The following PRPSAP1 variants were observed in gnomAD, a reference collection of about 807,000 sequenced individuals.
PRPSAP1 encodes phosphoribosyl pyrophosphate synthase-associated protein 1.
A neutral mutation model predicts 39.4 loss-of-function variants in PRPSAP1; 31 were observed. That is an observed-to-expected ratio of 0.79 (90% CI 0.59 to 1.06). The LOEUF (loss-of-function observed/expected upper bound fraction) is 1.06, where lower values mean the gene tolerates loss of function less well. Ranked by LOEUF, PRPSAP1 falls within the 50% of genes least tolerant of loss-of-function variation. The pLI is 0.00. For missense variants in PRPSAP1, 430 were observed against 511.6 expected (o/e 0.84, Z 1.54); for synonymous variants, 212 against 192.6 (o/e 1.10, Z -0.83).
intron 3 of PRPSAP1, chr17:76,337,488 T>G (rs982529865): frequency 6.6e-6 from 1 of 152,284 alleles, no homozygotes; most frequent in African/African-American, 2.4e-5. Flanking sequence ...GTATACGCAT[T>G]CATTAAACTA....
chr17:76,330,493 G>T, intron 5 of PRPSAP1, 58 bp downstream of exon 5: 1 of 1,342,768 alleles, frequency 7.4e-7, no homozygotes, highest in Non-Finnish European at 1.0e-6. Context: ...TGATACCAGA[G>T]AAAAACTAAA....
At chr17:76,334,673 G>A (rs185560426) in intron 3 of PRPSAP1, among the ~76,000 whole-genome samples, 29 of 152,200 alleles carry the variant, frequency 1.9e-4, no homozygotes, top group Non-Finnish European at 3.4e-4. Flanking sequence ...GGAGACTGAT[G>A]CAGGGCTCAA....
intron 3 of PRPSAP1, among the ~76,000 whole-genome samples, chr17:76,343,772 C>G (rs1040727538): frequency 4.5e-4 from 68 of 152,118 alleles, no homozygotes; most frequent in African/African-American, 1.5e-3. Flanking sequence ...GAGGTAGAGG[C>G]TGCAGTGAGC....
chr17:76,352,089 GA>G (rs569043215), intron 1 of PRPSAP1, among the ~76,000 whole-genome samples: 2 of 148,390 alleles, frequency 1.3e-5, no homozygotes, highest in East Asian at 2.0e-4. Context: ...AAGCAGAGCT[GA>G]AAAAAAAATG....
chr17:76,313,518 C>T (rs539047670), intron 8 of PRPSAP1: 26 of 355,528 alleles, frequency 7.3e-5, no homozygotes, highest in Admixed American at 1.7e-4. Flanking sequence ...GTTCATCTTT[C>T]GGCCCTAACG....
chr17:76,353,956 T>C, upstream of PRPSAP1: 1 of 1,300,194 alleles, frequency 7.7e-7, no homozygotes, highest in Non-Finnish European at 9.7e-7. Flanking sequence ...GAGCGTCGGC[T>C]AGAGCGCCCT....
chr17:76,348,663 A>G (rs2071536724), intron 1 of PRPSAP1, 82 bp from the exon 2 acceptor site: 1 of 1,013,164 alleles, frequency 9.9e-7, no homozygotes, highest in East Asian at 2.9e-5. Flanking sequence ...ATGTCTAATA[A>G]AAAGACTCAA....
intron 2 of PRPSAP1, among the ~76,000 whole-genome samples, chr17:76,347,972 C>T (rs2071528282): frequency 6.6e-6 from 1 of 152,086 alleles, no homozygotes; most frequent in South Asian, 2.1e-4. Context: ...TGGACCCCAG[C>T]CTACAGGGTA....
chr17:76,312,437 CAA>C (rs10709096), intron 9 of PRPSAP1, among the ~76,000 whole-genome samples: 98 of 132,912 alleles, frequency 7.4e-4, no homozygotes, highest in African/African-American at 1.8e-3. Context: ...GATTCCATCT[CAA>C]AAAAAAAAAA....
chr17:76,353,886 C>G lies in PRPSAP1; in HGVS notation c.-183G>C, dbSNP rs1006414585. 2.5e-5 allele frequency: 32 copies of G among 1,304,952 alleles called. No individual in the cohort carries two copies. In the African/African-American group the frequency reaches 3.8e-4, roughly 15 times the overall value. The allele number at this position is 1,304,952 out of a possible 1,614,324, so 80.8% of individuals were successfully genotyped here. On this transcript the variant is annotated 5_prime_UTR_variant, in exon 1 of 10. Transcript: ENST00000446526. ...GACTACAGCGGCCGAGCCTTCGCAGCGCCCGGCGCCGCCGCCTCAGAGCCA... is the reference window on the plus strand; with the variant it reads ...GACTACAGCGGCCGAGCCTTCGCAGGGCCCGGCGCCGCCGCCTCAGAGCCA...
intron 6 of PRPSAP1, 50 bp from the exon 7 acceptor site, chr17:76,328,912 A>C: frequency 1.3e-6 from 2 of 1,550,936 alleles, no homozygotes; most frequent in East Asian, 4.5e-5. Context: ...AATCCCACGC[A>C]TCACTACGGC....
At chr17:76,333,483 A>G (rs1162838465) in intron 3 of PRPSAP1, among the ~76,000 whole-genome samples, 1 of 152,008 alleles carries the variant, frequency 6.6e-6, no homozygotes, top group Non-Finnish European at 1.5e-5. Flanking sequence ...TGTCTCTACT[A>G]AAAATACAAA....
In PRPSAP1 at chr17:76,311,417, G is replaced by T; in HGVS notation, c.*125C>A. The T allele has an allele frequency of 9.4e-7, 1 of 1,061,244 alleles. No individual in the cohort carries two copies. Among genetic ancestry groups the T allele is most frequent in the African/African-American group, 1.6e-5 (1 of 61,878 alleles). 65.7% of individuals were successfully genotyped at this position (1,061,244 alleles called of 1,614,324 possible). ...TAATCCCTCCTCCCCATCAATCCGG[G>T]CAAAAGAAGATATCTAACTCCAGGC... On this transcript the variant is annotated 3_prime_UTR_variant, in exon 10 of 10. Transcript: ENST00000446526.
At chr17:76,329,779 T>C (rs1252258203) in intron 6 of PRPSAP1, among the ~76,000 whole-genome samples, 1 of 151,728 alleles carries the variant, frequency 6.6e-6, no homozygotes, top group African/African-American at 2.4e-5. Context: ...AAAATGCTCA[T>C]AGCCTCATTG....
At chr17:76,328,096 C>T (rs1213592688) in intron 7 of PRPSAP1, among the ~76,000 whole-genome samples, 2 of 149,424 alleles carry the variant, frequency 1.3e-5, no homozygotes, top group Non-Finnish European at 3.0e-5. Flanking sequence ...ACCCAGGAGG[C>T]GGAGGTGGGA....
intron 3 of PRPSAP1, among the ~76,000 whole-genome samples, chr17:76,343,077 A>T (rs1465047284): frequency 6.6e-6 from 1 of 152,198 alleles, no homozygotes; most frequent in African/African-American, 2.4e-5. Context: ...ACTCCGTCTC[A>T]AAAAACCAAA....
rs769158329 is a variant in PRPSAP1 at position 76,353,555 on chromosome 17, T to A, written c.149A>T (p.Glu50Val). The change falls in exon 1 of 10, where the codon GAG (glutamate) becomes GTG (valine). Residue 50 changes from glutamate to valine, a missense_variant. Glu to Val is a moderately radical substitution (Grantham distance 121). Transcript: ENST00000446526. ...TTACTCTGTGATGCGCTTGGCCAGC[T>A]CCGTGCAGGCGGCCGTGGAGTTGGC... The part of the protein sequence containing the change: ...FSANSTAACT[E>V]LAKRITERLG... 1 of 1,548,382 alleles carries A rather than the reference T, an allele frequency of 6.5e-7. No homozygotes were observed. The highest frequency in any genetic ancestry group is 8.7e-7 in the Non-Finnish European group (1 of 1,152,398).
At chr17:76,348,613 TAA>T (rs2071535959) in intron 1 of PRPSAP1, 32 bp from the exon 2 acceptor site, 1 of 1,501,756 alleles carries the variant, frequency 6.7e-7, no homozygotes, top group Non-Finnish European at 8.8e-7. Context: ...AAAGGGAAAT[TAA>T]GATTACTCTT....
rs181291596 is a variant in PRPSAP1, at chr17:76,330,074, T to C, written c.604A>G (p.Ile202Val). ...EEIPNYRNAVIVAKSPDAAKR... is the reference protein window; with the variant it reads ...EEIPNYRNAVVVAKSPDAAKR... The stretch of plus-strand genomic sequence containing the variant: ...GCAGCATCAGGAGACTTAGCTACAA[T>C]GACTGCATTTCTGTAATTTGGAATC... The change falls in exon 6 of 10, where the codon ATT becomes GTT. Residue 202 changes from isoleucine (I) to valine (V), a missense_variant. Around this residue, in one of 2 missense-constraint regions of PRPSAP1, gnomAD observed 278 missense variants for 376.3 expected, o/e 0.74. Coordinates refer to ENST00000446526, the MANE Select transcript of PRPSAP1 (RefSeq NM_002766.3). 1 of 1,613,696 alleles carries C rather than the reference T, an allele frequency of 6.2e-7. No homozygotes were observed. The highest frequency in any genetic ancestry group is 1.7e-5 in the Admixed American group (1 of 59,996).
Sources: gnomAD v4.1 joint callset for allele counts (sites outside exome capture counted in the v4.1 genomes callset) on GRCh38, gnomAD v4.1.1 for gene constraint, gnomAD v4.1.1 regional missense constraint, MANE v1.5 for transcripts, NCBI Gene and HGNC (gene_info 2026-07-23, HGNC 2026-07-21) for gene names.